WDFY1: variants seen among roughly 807,000 people sequenced by gnomAD.
WDFY1 encodes WD repeat and FYVE domain containing 1.
WDFY1 carries 32 observed loss-of-function variants against 56.4 expected under a neutral mutation model. The ratio of observed to expected loss-of-function variants is 0.57; its 90% CI spans 0.43 to 0.76. The LOEUF is 0.76. Ranked by LOEUF, WDFY1 falls within the 30% of genes least tolerant of loss-of-function variation. The probability of loss-of-function intolerance (pLI) is 0.00; values close to 1 mark genes in which losing one functional copy is unlikely to be tolerated. For missense variants in WDFY1, 480 were observed against 545.7 expected, an observed-to-expected ratio of 0.88 and a Z score of 1.20; for synonymous variants, 192 against 197.3, an observed-to-expected ratio of 0.97 and a Z score of 0.23.
chr2:223,882,405 G>A (rs538884075), intron 9 of WDFY1, among the ~76,000 whole-genome samples: 170 of 152,250 alleles, frequency 1.1e-3, no homozygotes, highest in African/African-American at 3.8e-3. Context: ...GAGCCACTGC[G>A]CCTGGCCTAG....
At position 223,876,613 on chromosome 2, in the gene WDFY1, T is replaced by C. The variant is rs1197182997; in HGVS notation, c.*2058A>G. 3.3e-5 allele frequency: 5 copies of C among 152,184 alleles called. No homozygotes were observed. The highest frequency in any genetic ancestry group is 4.8e-5 in the African/African-American group (2 of 41,450). The allele number at this position is 152,184 out of a possible 1,614,324, so 9.4% of individuals were successfully genotyped here. A position where few individuals can be genotyped will look rare whatever the true frequency, so the allele number is the denominator to read the frequency against. On this transcript the variant is annotated 3_prime_UTR_variant, in exon 12 of 12. Transcript: ENST00000233055. Reference sequence around the variant, plus strand: ...ATTAACCCCTTAGGAGGCACTATAATAACTTTATGTTCCCATGGAACATAG... The same window carrying C: ...ATTAACCCCTTAGGAGGCACTATAACAACTTTATGTTCCCATGGAACATAG...
chr2:223,896,994 G>A (rs1693392368), intron 6 of WDFY1, among the ~76,000 whole-genome samples: 1 of 152,078 alleles, frequency 6.6e-6, no homozygotes, highest in African/African-American at 2.4e-5. Context: ...AACAGAAAGT[G>A]GTTTCTTCAC....
rs61587389 is a variant in WDFY1 at position 223,891,382 on chromosome 2, C to CAAAAAAAA, written c.831+2844_831+2851dup. ...TGAGTGACAGAGCTAGACTCCGTCT[C>CAAAAAAAA]AAAAAAAAAAAAAGCCCAAAAATCC... On this transcript the variant is annotated intron_variant, in intron 8 of 11. Coordinates refer to ENST00000233055, the MANE Select transcript of WDFY1 (RefSeq NM_020830.5). 5.7e-4 allele frequency among the ~76,000 whole-genome samples: 34 copies of CAAAAAAAA among 60,114 alleles called. 1 individual carries two copies. Among genetic ancestry groups the CAAAAAAAA allele is most frequent in the African/African-American group, 2.1e-3 (31 of 14,504 alleles). The allele number at this position is 60,114 out of a possible 152,430, so 39.4% of individuals were successfully genotyped here.
Position 223,905,958 on chromosome 2 carries a change from T to C in WDFY1, c.323A>G (p.Lys108Arg), listed in dbSNP as rs1038411003. 1.9e-6 allele frequency: 3 copies of C among 1,577,380 alleles called. No individual in the cohort carries two copies. The highest frequency in any genetic ancestry group is 2.6e-6 in the Non-Finnish European group (3 of 1,164,160). Residue 108 changes from lysine to arginine, a missense_variant, in exon 4 of 12, where the codon AAG becomes AGG. Coordinates refer to ENST00000233055, the MANE Select transcript of WDFY1 (RefSeq NM_020830.5). ...TGTATTATAATTACCTGGGTAGGTC[T>C]TGATAAAGTTCATTTTATTAAAATC... ...SEDFNKMNFI[K>R]TYPAHQNRVS...
intron 5 of WDFY1, 22 bp downstream of exon 5, chr2:223,901,161 G>C: frequency 6.9e-6 from 11 of 1,603,246 alleles, no homozygotes; most frequent in Non-Finnish European, 9.4e-6. Flanking sequence ...GGGAAGGAGA[G>C]GTCCGTGGCT....
At chr2:223,906,567 G>A (rs1693600874) in intron 3 of WDFY1, among the ~76,000 whole-genome samples, 1 of 152,060 alleles carries the variant, frequency 6.6e-6, no homozygotes, top group African/African-American at 2.4e-5. Flanking sequence ...TAGAGACAGA[G>A]TTTCGCTCTT....
At chr2:223,899,421 CA>C (rs751123474) in intron 5 of WDFY1, 18 of 228,674 alleles carry the variant, frequency 7.9e-5, no homozygotes, top group Admixed American at 1.0e-4. Context: ...TAGATATAAT[CA>C]AGTACAATAA....
At chr2:223,881,897 CAG>C (rs1693079436) in intron 10 of WDFY1, 43 bp downstream of exon 10, 1 of 1,605,804 alleles carries the variant, frequency 6.2e-7, no homozygotes, top group African/African-American at 1.3e-5. Flanking sequence ...AACCATTAGA[CAG>C]ATGTAATAAG....
At chr2:223,935,303 A>T (rs777894750) in intron 1 of WDFY1, among the ~76,000 whole-genome samples, 1 of 152,198 alleles carries the variant, frequency 6.6e-6, no homozygotes, top group African/African-American at 2.4e-5. Context: ...TTTGACGGTG[A>T]TCTGCTGTAG....
chr2:223,911,566 C>CCCCA (rs1430404008), intron 3 of WDFY1, among the ~76,000 whole-genome samples: 78 of 136,140 alleles, frequency 5.7e-4, no homozygotes, highest in African/African-American at 2.1e-3. Context: ...AGCTGAATGA[C>CCCCA]CACACACACA....
rs1693402686 is a variant in WDFY1 at position 223,897,371 on chromosome 2, TATA to T, written c.598+1584_598+1586del. Among the ~76,000 whole-genome samples the T allele has an allele frequency of 3.1e-5, 2 of 65,302 alleles. 1 individual carries two copies. 42.8% of individuals were successfully genotyped at this position (65,302 alleles called of 152,430 possible). On this transcript the variant is annotated intron_variant, in intron 6 of 11. Coordinates refer to ENST00000233055, the MANE Select transcript of WDFY1 (RefSeq NM_020830.5). The stretch of plus-strand genomic sequence containing the variant: ...TTTCGCATATATATATATATATATA[TATA>T]TATATATATATATATATTTTTTAAG...
At chr2:223,942,951 G>A (rs1481228319) in intron 1 of WDFY1, among the ~76,000 whole-genome samples, 5 of 151,596 alleles carry the variant, frequency 3.3e-5, no homozygotes, top group Non-Finnish European at 7.4e-5. Context: ...GGGAGGCCAA[G>A]GCGGGTGGAT....
chr2:223,903,842 A>G (rs985444941), intron 4 of WDFY1, among the ~76,000 whole-genome samples: 1 of 151,686 alleles, frequency 6.6e-6, no homozygotes, highest in African/African-American at 2.4e-5. Context: ...TGGTCTCTCT[A>G]TGTTGCCCAG....
intron 1 of WDFY1, among the ~76,000 whole-genome samples, chr2:223,936,371 C>T (rs1360233596): frequency 6.6e-6 from 1 of 152,066 alleles, no homozygotes; most frequent in African/African-American, 2.4e-5. Context: ...CCCCAAAGTC[C>T]TTTTACAGAC....
At chr2:223,945,121 G>C (rs1157185235) in intron 1 of WDFY1, 27 bp downstream of exon 1, 1 of 1,565,160 alleles carries the variant, frequency 6.4e-7, no homozygotes, top group South Asian at 1.1e-5. Context: ...CGGAGTTCGG[G>C]CCGCCCCGGC....
intron 1 of WDFY1, among the ~76,000 whole-genome samples, chr2:223,921,796 GTT>G (rs2106094771): frequency 6.6e-6 from 1 of 152,204 alleles, no homozygotes; most frequent in South Asian, 2.1e-4. Context: ...GTCGCTGTTT[GTT>G]TTTTAAGAAT....
chr2:223,891,553 C>T (rs142662027), intron 8 of WDFY1, among the ~76,000 whole-genome samples: 21 of 152,154 alleles, frequency 1.4e-4, no homozygotes, highest in South Asian at 4.1e-4. Flanking sequence ...CTTCTACAGA[C>T]GCAGTGAATT....
In WDFY1 at chr2:223,899,976, C is replaced by T. The variant is rs112847110; in HGVS notation, c.486-906G>A. Among the ~76,000 whole-genome samples, 340 of 152,184 alleles carry T rather than the reference C, an allele frequency of 2.2e-3. 2 individuals carry two copies. Among genetic ancestry groups the T allele is most frequent in the Non-Finnish European group, 3.8e-3 (257 of 68,018 alleles). ...CTGTGGATAGTTTAATAATCCAAAA[C>T]GCAGTTATTTGTGGCGGTAGTACAT... On this transcript the variant is annotated intron_variant, in intron 5 of 11. Transcript: ENST00000233055.
At chr2:223,903,556 CA>C (rs1693543054) in intron 4 of WDFY1, among the ~76,000 whole-genome samples, 1 of 146,726 alleles carries the variant, frequency 6.8e-6, no homozygotes, top group African/African-American at 2.5e-5. Flanking sequence ...AAACCTTTGA[CA>C]ACCAAAATAT....
Sources: gnomAD v4.1 joint callset for allele counts (sites outside exome capture counted in the v4.1 genomes callset) on GRCh38, gnomAD v4.1.1 for gene constraint, MANE v1.5 for transcripts, NCBI Gene and HGNC (gene_info 2026-07-23, HGNC 2026-07-21) for gene names.